FGGY: variants seen among roughly 807,000 people sequenced by gnomAD.
The protein encoded by FGGY is FGGY carbohydrate kinase domain containing.
A neutral mutation model predicts 71.3 loss-of-function variants in FGGY; 72 were observed. The ratio of observed to expected loss-of-function variants is 1.01; its 90% CI spans 0.84 to 1.23. The LOEUF (loss-of-function observed/expected upper bound fraction) is 1.23, where lower values mean the gene tolerates loss of function less well. Among genes scored for constraint, FGGY ranks in the 50% most tolerant of loss-of-function variants. The pLI is 0.00. For missense variants in FGGY, 668 were observed against 682.3 expected (o/e 0.98, Z 0.23); for synonymous variants, 251 against 250.3 (o/e 1.00, Z -0.02).
intron 4 of FGGY, among the ~76,000 whole-genome samples, chr1:59,377,571 C>T (rs543914761): frequency 1.8e-4 from 27 of 152,236 alleles, no homozygotes; most frequent in African/African-American, 5.3e-4. Context: ...ATGGGAACTA[C>T]GATTCAAGAT....
chr1:59,746,676 T>C (rs1042329974), intron 14 of FGGY, among the ~76,000 whole-genome samples: 1 of 152,138 alleles, frequency 6.6e-6, no homozygotes, highest in African/African-American at 2.4e-5. Context: ...TTTATGTTTT[T>C]GTTGAGATAG....
intron 4 of FGGY, among the ~76,000 whole-genome samples, chr1:59,363,809 A>G (rs1235884992): frequency 1.3e-5 from 2 of 152,180 alleles, no homozygotes; most frequent in African/African-American, 4.8e-5. Context: ...TTTCCTAGAA[A>G]TATTTTCTGT....
chr1:59,682,736 G>T (rs2097513183), intron 14 of FGGY, among the ~76,000 whole-genome samples: 1 of 152,170 alleles, frequency 6.6e-6, no homozygotes, highest in Non-Finnish European at 1.5e-5. Flanking sequence ...CTCAGAGGAG[G>T]GTGGGAAGGA....
At chr1:59,555,642 A>G (rs909215610) in intron 8 of FGGY, among the ~76,000 whole-genome samples, 18 of 152,168 alleles carry the variant, frequency 1.2e-4, no homozygotes, top group Non-Finnish European at 2.4e-4. Flanking sequence ...GACTTTAAGG[A>G]AATAGATTTC....
intron 6 of FGGY, among the ~76,000 whole-genome samples, chr1:59,479,718 G>A (rs1197153872): frequency 6.6e-6 from 1 of 152,142 alleles, no homozygotes; most frequent in African/African-American, 2.4e-5. Flanking sequence ...AAGTACAGAG[G>A]ATCGGGGAAA....
At chr1:59,389,343 A>G (rs76402341) in intron 5 of FGGY, among the ~76,000 whole-genome samples, 2 of 152,174 alleles carry the variant, frequency 1.3e-5, no homozygotes, top group African/African-American at 4.8e-5. Flanking sequence ...TGCGTCTGGC[A>G]TATTTCACTT....
intron 2 of FGGY, among the ~76,000 whole-genome samples, chr1:59,339,679 G>A (rs1449055414): frequency 1.3e-5 from 2 of 151,948 alleles, no homozygotes; most frequent in African/African-American, 4.8e-5. Context: ...TGGCCAGGCT[G>A]GTCTTGAACT....
chr1:59,321,666 G>C lies in FGGY; in HGVS notation c.117G>C (p.Gln39His). The stretch of plus-strand genomic sequence containing the variant: ...GGGTCCTGTTGGCTTTTGCAGACCA[G>C]CCAATTAAGAATTGGGAGCCCCAGT... ...QSGVLLAFADQPIKNWEPQFN... is the reference protein window; with the variant it reads ...QSGVLLAFADHPIKNWEPQFN... The change falls in exon 2 of 16, where the codon CAG becomes CAC. Residue 39 changes from glutamine to histidine, a missense_variant. Physicochemically the swap from Gln to His is conservative, Grantham distance 24. Transcript: ENST00000303721. The C allele has an allele frequency of 1.9e-6, 3 of 1,613,360 alleles. No homozygotes were observed. Among genetic ancestry groups the C allele is most frequent in the Non-Finnish European group, 2.5e-6 (3 of 1,179,658 alleles).
At chr1:59,691,338 T>C (rs1343584906) in intron 14 of FGGY, among the ~76,000 whole-genome samples, 1 of 152,238 alleles carries the variant, frequency 6.6e-6, no homozygotes, top group Non-Finnish European at 1.5e-5. Flanking sequence ...ACTGTGCCTG[T>C]CTGTGTTACT....
At chr1:59,496,257 CAA>C (rs1413809451) in intron 6 of FGGY, among the ~76,000 whole-genome samples, 1 of 151,972 alleles carries the variant, frequency 6.6e-6, no homozygotes, top group Non-Finnish European at 1.5e-5. Flanking sequence ...TTCAAAATAG[CAA>C]AGACATGAAA....
At chr1:59,542,022 G>A (rs1169783757) in intron 7 of FGGY, among the ~76,000 whole-genome samples, 1 of 152,226 alleles carries the variant, frequency 6.6e-6, no homozygotes, top group Non-Finnish European at 1.5e-5. Context: ...AGCTGCTGCT[G>A]ATGATAACAG....
At chr1:59,586,850 C>T (rs1037298515) in intron 8 of FGGY, among the ~76,000 whole-genome samples, 49 of 152,064 alleles carry the variant, frequency 3.2e-4, no homozygotes, top group African/African-American at 1.2e-3. Context: ...TGGTCTACAG[C>T]TCCCAGCGTG....
chr1:59,348,231 G>C (rs1357878611), intron 4 of FGGY, among the ~76,000 whole-genome samples: 3 of 152,188 alleles, frequency 2.0e-5, no homozygotes, highest in Non-Finnish European at 2.9e-5. Context: ...AGCAGCCGAG[G>C]TGGGATTTAA....
intron 4 of FGGY, among the ~76,000 whole-genome samples, chr1:59,377,088 A>T (rs1197219142): frequency 1.3e-5 from 2 of 152,144 alleles, no homozygotes; most frequent in African/African-American, 4.8e-5. Context: ...TAGTAAGGGG[A>T]TGAGAGTTAA....
chr1:59,442,153 T>C (rs2070079946), intron 5 of FGGY, among the ~76,000 whole-genome samples: 1 of 152,220 alleles, frequency 6.6e-6, no homozygotes, highest in African/African-American at 2.4e-5. Context: ...AGCTAATTGT[T>C]TGGGTTCCAA....
intron 6 of FGGY, among the ~76,000 whole-genome samples, chr1:59,461,009 TCTC>T (rs2092153560): frequency 6.6e-6 from 1 of 152,072 alleles, no homozygotes; most frequent in African/African-American, 2.4e-5. Context: ...GAGCACCTCT[TCTC>T]CTCCAAAGGA....
intron 11 of FGGY, among the ~76,000 whole-genome samples, chr1:59,658,991 G>A (rs1390761422): frequency 6.6e-6 from 1 of 152,170 alleles, no homozygotes; most frequent in Non-Finnish European, 1.5e-5. Flanking sequence ...GGAAGCCAAG[G>A]CAGGTGTATC....
intron 2 of FGGY, among the ~76,000 whole-genome samples, chr1:59,335,565 T>C (rs1389300338): frequency 6.6e-6 from 1 of 152,166 alleles, no homozygotes; most frequent in Non-Finnish European, 1.5e-5. Flanking sequence ...TTTATTTGGT[T>C]TGTTAATATT....
chr1:59,407,245 T>C (rs1415675279), intron 5 of FGGY, among the ~76,000 whole-genome samples: 1 of 152,192 alleles, frequency 6.6e-6, no homozygotes, highest in African/African-American at 2.4e-5. Context: ...AGAAGCTTCC[T>C]GCTGATGCTG....
Sources: gnomAD v4.1 joint callset for allele counts (sites outside exome capture counted in the v4.1 genomes callset) on GRCh38, gnomAD v4.1.1 for gene constraint, MANE v1.5 for transcripts, NCBI Gene and HGNC (gene_info 2026-07-23, HGNC 2026-07-21) for gene names.